The following UBTD2 variants were observed in gnomAD, a reference collection of about 807,000 sequenced individuals.
UBTD2 encodes the protein ubiquitin domain containing 2, also known as ubiquitin domain-containing protein 2.
UBTD2 carries 9 observed loss-of-function variants against 19.8 expected under a neutral mutation model. The ratio of observed to expected loss-of-function variants is 0.46; its 90% CI spans 0.27 to 0.79. UBTD2 has a LOEUF of 0.79. Among genes scored for constraint, UBTD2 ranks in the 30% least tolerant of loss-of-function variants. The pLI, the probability that UBTD2 is intolerant of heterozygous loss-of-function variation, is 0.14. For missense variants in UBTD2, 250 were observed against 300.4 expected (o/e 0.83, Z 1.24); for synonymous variants, 98 against 103.9 (o/e 0.94, Z 0.35).
chr5:172,233,387 T>G (rs1186374762), intron 2 of UBTD2, among the ~76,000 whole-genome samples: 1 of 152,002 alleles, frequency 6.6e-6, no homozygotes, highest in Non-Finnish European at 1.5e-5. Flanking sequence ...AAATAAAAAA[T>G]GTAAATACAA....
chr5:172,242,881 T>C (rs1255930393), intron 1 of UBTD2, among the ~76,000 whole-genome samples: 2 of 152,218 alleles, frequency 1.3e-5, no homozygotes, highest in African/African-American at 4.8e-5. Context: ...AAAAAGGTCT[T>C]CCCTCATTCC....
In UBTD2 at chr5:172,211,884, A is replaced by G; in HGVS notation, c.651T>C (p.Val217=). 1.2e-6 allele frequency: 2 copies of G among 1,614,190 alleles called. No homozygotes were observed. The highest frequency in any genetic ancestry group is 1.7e-6 in the Non-Finnish European group (2 of 1,180,042). The stretch of plus-strand genomic sequence containing the variant: ...CAGGTTGGCTCACTATAACCTGTAC[A>G]ACATAGTCCTTTGGGATCTTCAGCT... ...FEELKIPKDY[V]VQVIVSQPVQ... is the part of the protein sequence containing the mutation. The change falls in exon 3 of 3, where the codon GTT becomes GTC. Residue 217 remains valine (V), a synonymous_variant. Transcript: ENST00000393792.
intron 1 of UBTD2, among the ~76,000 whole-genome samples, chr5:172,278,412 G>A (rs183239101): frequency 1.8e-4 from 28 of 152,104 alleles, no homozygotes; most frequent in Non-Finnish European, 3.7e-4. Context: ...CCAGCTACTC[G>A]GAGGGCTGAG....
At chr5:172,220,850 A>G (rs548218575) in intron 2 of UBTD2, among the ~76,000 whole-genome samples, 16 of 152,340 alleles carry the variant, frequency 1.1e-4, no homozygotes, top group Admixed American at 7.2e-4. Context: ...TGCAGATGAC[A>G]TACTGTCTAT....
At chr5:172,251,626 GAAAA>G (rs60201763) in intron 1 of UBTD2, among the ~76,000 whole-genome samples, 46,600 of 142,256 alleles carry the variant, frequency 0.33, 7,258 homozygotes, top group South Asian at 0.43. Flanking sequence ...AAAGTGCAAT[GAAAA>G]AAAAAAAAAA....
intron 2 of UBTD2, among the ~76,000 whole-genome samples, chr5:172,228,479 G>A (rs1771816639): frequency 6.6e-6 from 1 of 152,156 alleles, no homozygotes; most frequent in South Asian, 2.1e-4. Flanking sequence ...CCAGCACTTT[G>A]GGAGGCCGAG....
At chr5:172,280,974 T>A (rs554997360) in intron 1 of UBTD2, among the ~76,000 whole-genome samples, 35 of 152,354 alleles carry the variant, frequency 2.3e-4, no homozygotes, top group African/African-American at 6.3e-4. Flanking sequence ...AAGATTTTTT[T>A]AAAATCTTTT....
intron 1 of UBTD2, among the ~76,000 whole-genome samples, chr5:172,279,211 C>T (rs1464884625): frequency 6.6e-6 from 1 of 152,168 alleles, no homozygotes; most frequent in Non-Finnish European, 1.5e-5. Flanking sequence ...AAGGTTGGTG[C>T]AAAAGTAATT....
intron 1 of UBTD2, chr5:172,242,470 G>A (rs34903367): frequency 1.0e-5 from 10 of 965,304 alleles, no homozygotes; most frequent in African/African-American, 1.8e-5. Flanking sequence ...TTGCCCTCCA[G>A]GGGATATACG....
intron 2 of UBTD2, among the ~76,000 whole-genome samples, chr5:172,225,901 ACTTCT>A (rs887393810): frequency 4.1e-5 from 6 of 144,848 alleles, no homozygotes; most frequent in Admixed American, 3.4e-4. Flanking sequence ...TTTGCTCCTG[ACTTCT>A]CTTTTCTGAG....
chr5:172,229,500 C>CAAAAA (rs5873303), intron 2 of UBTD2, among the ~76,000 whole-genome samples: 10 of 57,206 alleles, frequency 1.7e-4, no homozygotes, highest in East Asian at 5.4e-4. Flanking sequence ...GACTCCGTCT[C>CAAAAA]AAAAAAAAAA....
rs2113154588 is a variant in UBTD2, at chr5:172,283,638, C to A, written c.28G>T (p.Asp10Tyr). The A allele has an allele frequency of 7.8e-7, 1 of 1,277,970 alleles. No individual in the cohort carries two copies. The highest frequency in any genetic ancestry group is 1.0e-6 in the Non-Finnish European group (1 of 1,004,378). The allele number at this position is 1,277,970 out of a possible 1,614,324, so 79.2% of individuals were successfully genotyped here. Residue 10 changes from aspartate to tyrosine, a missense_variant, in exon 1 of 3, where the codon GAC becomes TAC. Coordinates refer to ENST00000393792, the MANE Select transcript of UBTD2 (RefSeq NM_152277.3). The surrounding 1 kb of genome is among the most constrained non-coding windows in gnomAD (Gnocchi z 4.3). MGGCVGAQH[D>Y]SSGSLNENSE... ...TTCTCGTTGAGGCTGCCCGAGGAGT[C>A]GTGCTGGGCGCCCACACACCCGCCC...
In UBTD2 at chr5:172,211,705, A is replaced by G. The variant is rs529856960; in HGVS notation, c.*125T>C. 1 of 1,058,654 alleles carries G rather than the reference A, an allele frequency of 9.4e-7. No individual in the cohort carries two copies. Among genetic ancestry groups the G allele is most frequent in the South Asian group, 3.0e-5 (1 of 32,950 alleles). 65.6% of individuals were successfully genotyped at this position (1,058,654 alleles called of 1,614,324 possible). On this transcript the variant is annotated 3_prime_UTR_variant, in exon 3 of 3. Coordinates refer to ENST00000393792, the MANE Select transcript of UBTD2 (RefSeq NM_152277.3). ...TGGAATTTTTCACTGGTAATTCCTCAGAACTAAATCCATTCATAGGGAATT... is the reference window on the plus strand; with the variant it reads ...TGGAATTTTTCACTGGTAATTCCTCGGAACTAAATCCATTCATAGGGAATT...
chr5:172,245,121 A>G (rs903035660), intron 1 of UBTD2, among the ~76,000 whole-genome samples: 1 of 152,234 alleles, frequency 6.6e-6, no homozygotes, highest in Non-Finnish European at 1.5e-5. Flanking sequence ...TAAACCAAGA[A>G]GAAGGGTACT....
chr5:172,256,110 A>C (rs142803438), intron 1 of UBTD2, among the ~76,000 whole-genome samples: 2 of 152,296 alleles, frequency 1.3e-5, no homozygotes, highest in African/African-American at 4.8e-5. Flanking sequence ...AGAGAGAAAA[A>C]AAAAGAAAGA....
chr5:172,261,746 T>G (rs1334477931), intron 1 of UBTD2, among the ~76,000 whole-genome samples: 1 of 152,084 alleles, frequency 6.6e-6, no homozygotes, highest in Non-Finnish European at 1.5e-5. Context: ...TGCCTTAGCC[T>G]CCTTAGTAGC....
chr5:172,221,816 A>G (rs963904553), intron 2 of UBTD2, among the ~76,000 whole-genome samples: 9 of 152,218 alleles, frequency 5.9e-5, no homozygotes, highest in African/African-American at 2.2e-4. Context: ...CACAGAATGT[A>G]CAACACCAAG....
chr5:172,283,773 C>T (rs931382288), upstream of UBTD2: 1 of 729,448 alleles, frequency 1.4e-6, no homozygotes, highest in Non-Finnish European at 1.7e-6. This position sits in a 1 kb window ranked among gnomAD's most constrained non-coding sequence, Gnocchi z 4.3. Context: ...ACAGGCGCGC[C>T]GCTCCGCTCG....
intron 1 of UBTD2, among the ~76,000 whole-genome samples, chr5:172,269,591 T>G (rs1018775886): frequency 6.6e-6 from 1 of 151,364 alleles, no homozygotes; most frequent in African/African-American, 2.4e-5. Flanking sequence ...AGAAATTGAG[T>G]CGCACACAGC....
Sources: gnomAD v4.1 joint callset for allele counts (sites outside exome capture counted in the v4.1 genomes callset) on GRCh38, gnomAD v4.1.1 for gene constraint, Gnocchi (gnomAD v3.1) non-coding constraint, MANE v1.5 for transcripts, NCBI Gene and HGNC (gene_info 2026-07-23, HGNC 2026-07-21) for gene names.